BNC2: variants seen among roughly 807,000 people sequenced by gnomAD.
The protein encoded by BNC2 is basonuclin zinc finger protein 2.
Under a neutral mutation model 76.3 loss-of-function variants are expected in BNC2, and 20 were observed. The observed-to-expected ratio is 0.26, with a 90% confidence interval of 0.18 to 0.38. The LOEUF is 0.38. Ranked by LOEUF, BNC2 falls within the 10% of genes least tolerant of loss-of-function variation. The pLI is 1.00. For missense variants in BNC2, 1,382 were observed against 1,399.8 expected, an observed-to-expected ratio of 0.99 and a Z score of 0.20; for synonymous variants, 582 against 514.8, an observed-to-expected ratio of 1.13 and a Z score of -1.77.
intron 5 of BNC2, among the ~76,000 whole-genome samples, chr9:16,512,273 T>C (rs1055181857): frequency 2.6e-5 from 4 of 152,222 alleles, no homozygotes; most frequent in African/African-American, 9.6e-5. Context: ...TTAAAAATCA[T>C]GCTATTTCAA....
At chr9:16,561,136 G>A (rs989203978) in intron 4 of BNC2, among the ~76,000 whole-genome samples, 2 of 152,126 alleles carry the variant, frequency 1.3e-5, no homozygotes, top group African/African-American at 2.4e-5. Context: ...CTACTCAGGA[G>A]GCTGAGATAG....
intron 1 of BNC2, among the ~76,000 whole-genome samples, chr9:16,839,019 G>T (rs1183143967): frequency 1.3e-5 from 2 of 152,226 alleles, no homozygotes; most frequent in Non-Finnish European, 2.9e-5. Context: ...CTAGTCAGTA[G>T]AGGTGAGCTA....
chr9:16,781,169 A>T (rs907432682), intron 1 of BNC2, among the ~76,000 whole-genome samples: 2 of 151,880 alleles, frequency 1.3e-5, no homozygotes, highest in African/African-American at 2.4e-5. Flanking sequence ...GCCACGTAAC[A>T]TTTTGTTCAG....
chr9:16,705,657 T>G (rs984292298), intron 3 of BNC2, among the ~76,000 whole-genome samples: 1 of 29,302 alleles, frequency 3.4e-5, no homozygotes, highest in Non-Finnish European at 3.5e-4. Flanking sequence ...GTGGCTTGGG[T>G]TTTTTTTTCC....
In BNC2 at chr9:16,418,862, C is replaced by G; in HGVS notation, c.*127G>C. On this transcript the variant is annotated 3_prime_UTR_variant, in exon 7 of 7. Transcript: ENST00000380672. ...CGTGTGTGTATATGTAGCCACAGAGCATACATAAATGCACACACACACACA... is the reference window on the plus strand; with the variant it reads ...CGTGTGTGTATATGTAGCCACAGAGGATACATAAATGCACACACACACACA... The G allele has an allele frequency of 1.2e-6, 1 of 837,096 alleles. No individual in the cohort carries two copies. Among genetic ancestry groups the G allele is most frequent in the South Asian group, 1.7e-5 (1 of 58,964 alleles). 51.9% of individuals were successfully genotyped at this position (837,096 alleles called of 1,614,324 possible). A position where few individuals can be genotyped will look rare whatever the true frequency, so the allele number is the denominator to read the frequency against.
intron 3 of BNC2, among the ~76,000 whole-genome samples, chr9:16,610,350 G>C (rs1262156124): frequency 6.6e-6 from 1 of 152,148 alleles, no homozygotes; most frequent in Non-Finnish European, 1.5e-5. Context: ...AACTTGAAAG[G>C]AACGGCCAGT....
chr9:16,704,333 G>C (rs1178109491), intron 3 of BNC2, among the ~76,000 whole-genome samples: 2 of 152,144 alleles, frequency 1.3e-5, no homozygotes, highest in Non-Finnish European at 2.9e-5. Flanking sequence ...ATAGGGGTTG[G>C]GGGCAATCTG....
intron 5 of BNC2, among the ~76,000 whole-genome samples, chr9:16,447,114 G>A (rs1457980248): frequency 6.6e-6 from 1 of 152,090 alleles, no homozygotes; most frequent in East Asian, 1.9e-4. Flanking sequence ...TATTTAATAA[G>A]AATATCTTAG....
intron 1 of BNC2, among the ~76,000 whole-genome samples, chr9:16,783,339 A>G (rs985969104): frequency 3.9e-5 from 6 of 152,144 alleles, no homozygotes; most frequent in African/African-American, 1.2e-4. Flanking sequence ...ACATAAACCT[A>G]AAACCTCCTC....
intron 5 of BNC2, among the ~76,000 whole-genome samples, chr9:16,481,773 T>C (rs1293977907): frequency 3.6e-5 from 4 of 112,322 alleles, no homozygotes; most frequent in Non-Finnish European, 5.8e-5. Flanking sequence ...TATAATATAT[T>C]TGGAAAAGAA....
At chr9:16,575,452 C>T in intron 4 of BNC2, 1 of 985,252 alleles carries the variant, frequency 1.0e-6, no homozygotes, top group Non-Finnish European at 1.2e-6. Context: ...GCAGACAGCC[C>T]AGGACTTTGA....
In BNC2 at chr9:16,805,173, G is replaced by A. The variant is rs769097899; in HGVS notation, c.3+65473C>T. Among the ~76,000 whole-genome samples, 21 of 152,226 alleles carry A rather than the reference G, an allele frequency of 1.4e-4. No individual in the cohort carries two copies. In the Middle Eastern group the frequency reaches 0.014, roughly 99 times the overall value. Reference sequence around the variant, plus strand: ...TTATAAATAATCCATGGACATAGTAGGGTTTGTCAGAGAACACATGCCATC... The same window carrying A: ...TTATAAATAATCCATGGACATAGTAAGGTTTGTCAGAGAACACATGCCATC... On this transcript the variant is annotated intron_variant, in intron 1 of 6. Coordinates refer to ENST00000380672, the MANE Select transcript of BNC2 (RefSeq NM_017637.6).
At chr9:16,509,601 G>C (rs1431417136) in intron 5 of BNC2, among the ~76,000 whole-genome samples, 1 of 152,204 alleles carries the variant, frequency 6.6e-6, no homozygotes, top group Admixed American at 6.5e-5. Flanking sequence ...TAAACTGAGA[G>C]TAAGTCAAAG....
At chr9:16,577,675 T>C (rs1033249673) in intron 4 of BNC2, among the ~76,000 whole-genome samples, 6 of 152,064 alleles carry the variant, frequency 3.9e-5, no homozygotes, top group African/African-American at 1.4e-4. Flanking sequence ...AGTAATAATG[T>C]AAAACTATCT....
chr9:16,546,890 T>C (rs1045463033), intron 5 of BNC2, among the ~76,000 whole-genome samples: 9 of 152,202 alleles, frequency 5.9e-5, no homozygotes, highest in Non-Finnish European at 2.9e-5. Context: ...AAGACCTGAA[T>C]TCAAATCAAA....
At chr9:16,459,243 C>A (rs1372777931) in intron 5 of BNC2, among the ~76,000 whole-genome samples, 3 of 152,148 alleles carry the variant, frequency 2.0e-5, no homozygotes, top group Non-Finnish European at 2.9e-5. Flanking sequence ...TATAGCATGA[C>A]CTTCCTGCAC....
chr9:16,604,225 T>TTC (rs1247344805), intron 3 of BNC2, among the ~76,000 whole-genome samples: 1 of 151,744 alleles, frequency 6.6e-6, no homozygotes, highest in Non-Finnish European at 1.5e-5. Context: ...TAGAACCTCT[T>TTC]TCTCTCTCTC....
At chr9:16,733,929 C>T (rs866230381) in intron 2 of BNC2, among the ~76,000 whole-genome samples, 1 of 152,010 alleles carries the variant, frequency 6.6e-6, no homozygotes, top group South Asian at 2.1e-4. Flanking sequence ...TAAGTCCCTG[C>T]ACTCTCCCAC....
At chr9:16,676,507 A>G (rs770487220) in intron 3 of BNC2, among the ~76,000 whole-genome samples, 122 of 152,388 alleles carry the variant, frequency 8.0e-4, no homozygotes, top group Middle Eastern at 3.4e-3. Flanking sequence ...GGCAGTTGCC[A>G]ACATGAACAG....
Sources: gnomAD v4.1 joint callset for allele counts (sites outside exome capture counted in the v4.1 genomes callset) on GRCh38, gnomAD v4.1.1 for gene constraint, MANE v1.5 for transcripts, NCBI Gene and HGNC (gene_info 2026-07-23, HGNC 2026-07-21) for gene names.